The following ANKFN1 variants were observed in gnomAD, a reference collection of about 807,000 sequenced individuals.
ANKFN1 encodes the protein ankyrin repeat and fibronectin type-III domain-containing protein 1.
ANKFN1 carries 74 observed loss-of-function variants against 108.7 expected under a neutral mutation model. That is an observed-to-expected ratio of 0.68 (90% confidence interval 0.56 to 0.83). The LOEUF (loss-of-function observed/expected upper bound fraction) is 0.83, where lower values mean the gene tolerates loss of function less well. Among genes scored for constraint, ANKFN1 ranks in the 40% least tolerant of loss-of-function variants. The pLI is 0.00. For synonymous variants in ANKFN1, 547 were observed against 516.2 expected (o/e 1.06, Z -0.81); for missense variants, 1,505 against 1,382.3 (o/e 1.09, Z -1.41).
chr17:56,101,016 T>A (rs1195861317), intron 4 of ANKFN1, among the ~76,000 whole-genome samples: 1 of 152,072 alleles, frequency 6.6e-6, no homozygotes, highest in African/African-American at 2.4e-5. Flanking sequence ...TCAGATTAGG[T>A]CATGAGAGTG....
chr17:56,400,062 T>G (rs1437802847), intron 8 of ANKFN1, among the ~76,000 whole-genome samples: 1 of 151,900 alleles, frequency 6.6e-6, no homozygotes, highest in South Asian at 2.1e-4. Context: ...GCAAGTATCT[T>G]TTTTGAATAA....
At chr17:56,151,020 G>A (rs1908570410), upstream of ANKFN1, among the ~76,000 whole-genome samples, 2 of 152,186 alleles carry the variant, frequency 1.3e-5, no homozygotes, top group South Asian at 2.1e-4. Flanking sequence ...GAGGCAGGAT[G>A]GAGGGACAAG....
chr17:56,049,272 T>A (rs1904732925), intron 4 of ANKFN1, among the ~76,000 whole-genome samples: 1 of 152,232 alleles, frequency 6.6e-6, no homozygotes, highest in Non-Finnish European at 1.5e-5. Flanking sequence ...AGGCCAAGAA[T>A]GCCCAGTGGC....
intron 5 of ANKFN1, among the ~76,000 whole-genome samples, chr17:56,353,065 T>A (rs2046285928): frequency 6.6e-6 from 1 of 152,118 alleles, no homozygotes; most frequent in Non-Finnish European, 1.5e-5. Context: ...CAAACTGTAT[T>A]CTGTAGAACA....
intron 3 of ANKFN1, among the ~76,000 whole-genome samples, chr17:56,298,688 T>TAG (rs77243825): frequency 2.0e-5 from 3 of 152,000 alleles, no homozygotes; most frequent in Non-Finnish European, 2.9e-5. Context: ...TTTATATATA[T>TAG]AGAGAGAGAG....
chr17:56,391,221 ATATATATATATATATATATATATATATG>A (rs1285427336), intron 8 of ANKFN1, among the ~76,000 whole-genome samples: 1 of 20,536 alleles, frequency 4.9e-5, no homozygotes, highest in Non-Finnish European at 1.6e-4. Flanking sequence ...ACATATATAT[ATATATATATATATATATATATATATATG>A]TATGTGTGTG....
chr17:56,170,784 A>ATATATATATATC, intron 1 of ANKFN1, among the ~76,000 whole-genome samples: 1 of 87,102 alleles, frequency 1.1e-5, no homozygotes, highest in Non-Finnish European at 2.1e-5. Context: ...TTATATATAT[A>ATATATATATATC]TATATATATA....
At chr17:56,201,927 C>T (rs540533664) in intron 1 of ANKFN1, among the ~76,000 whole-genome samples, 3 of 152,286 alleles carry the variant, frequency 2.0e-5, no homozygotes, top group African/African-American at 7.2e-5. Flanking sequence ...TAAACTAGGT[C>T]CATCCAGTGG....
intron 4 of ANKFN1, among the ~76,000 whole-genome samples, chr17:56,140,832 T>C (rs1228865848): frequency 6.6e-6 from 1 of 152,166 alleles, no homozygotes; most frequent in East Asian, 1.9e-4. Flanking sequence ...TACTAATATA[T>C]CATAGATATA....
chr17:56,119,555 C>G (rs1447315979), intron 4 of ANKFN1, among the ~76,000 whole-genome samples: 1 of 152,088 alleles, frequency 6.6e-6, no homozygotes, highest in Non-Finnish European at 1.5e-5. Flanking sequence ...TGGAATAGGG[C>G]AGTAACTAGC....
chr17:56,100,164 C>T (rs905725056), intron 4 of ANKFN1, among the ~76,000 whole-genome samples: 1 of 152,154 alleles, frequency 6.6e-6, no homozygotes, highest in African/African-American at 2.4e-5. Context: ...GAAGGCAGGA[C>T]CAGAAACCAG....
intron 4 of ANKFN1, among the ~76,000 whole-genome samples, chr17:56,137,362 T>C (rs1452936002): frequency 2.0e-5 from 3 of 152,166 alleles, no homozygotes; most frequent in African/African-American, 7.2e-5. Flanking sequence ...GCAGGGTCAA[T>C]CTCAGCAATG....
At chr17:56,366,224 G>C (rs2046657808) in intron 6 of ANKFN1, among the ~76,000 whole-genome samples, 1 of 152,100 alleles carries the variant, frequency 6.6e-6, no homozygotes, top group Non-Finnish European at 1.5e-5. Context: ...TTTTTGTACA[G>C]TGGTACTGTT....
At chr17:56,317,944 C>T (rs952784592) in intron 3 of ANKFN1, among the ~76,000 whole-genome samples, 1 of 152,126 alleles carries the variant, frequency 6.6e-6, no homozygotes, top group Non-Finnish European at 1.5e-5. Flanking sequence ...TACACATTGT[C>T]TCCCCTTGTG....
chr17:56,467,805 AG>A (rs2050163518), intron 15 of ANKFN1, among the ~76,000 whole-genome samples: 1 of 36,650 alleles, frequency 2.7e-5, no homozygotes, highest in Non-Finnish European at 4.8e-5. Flanking sequence ...AAAGAAAGAA[AG>A]AAAGAAAGAA....
intron 8 of ANKFN1, among the ~76,000 whole-genome samples, chr17:56,408,597 G>A (rs957476722): frequency 4.6e-5 from 7 of 152,208 alleles, no homozygotes; most frequent in South Asian, 2.1e-4. Context: ...AAAAAGAGAT[G>A]AGATGGTCAG....
At chr17:56,179,452 T>C (rs1338213327) in intron 1 of ANKFN1, among the ~76,000 whole-genome samples, 1 of 152,078 alleles carries the variant, frequency 6.6e-6, no homozygotes, top group African/African-American at 2.4e-5. Context: ...TCCAGACAAC[T>C]TGAAGAACGG....
intron 2 of ANKFN1, among the ~76,000 whole-genome samples, chr17:56,218,214 T>G (rs1277444388): frequency 1.5e-5 from 1 of 66,538 alleles, no homozygotes; most frequent in Admixed American, 1.5e-4. Context: ...TTCCCCACCC[T>G]CCCTCCCTCC....
At chr17:56,497,257 A>G (rs1302642975) in intron 19 of ANKFN1, among the ~76,000 whole-genome samples, 1 of 152,110 alleles carries the variant, frequency 6.6e-6, no homozygotes, top group East Asian at 1.9e-4. Flanking sequence ...TCTCCCTTCA[A>G]AATGGCTTAG....
Sources: allele counts gnomAD v4.1 joint callset (sites outside exome capture counted in the v4.1 genomes callset), GRCh38; gene constraint gnomAD v4.1.1; transcripts MANE v1.5; gene names NCBI Gene and HGNC (gene_info 2026-07-23, HGNC 2026-07-21).